KAT7: variants seen among roughly 807,000 people sequenced by gnomAD.
KAT7 encodes the protein histone acetyltransferase KAT7.
In KAT7, 10 loss-of-function variants were observed where a neutral mutation model predicts 82.1. The ratio of observed to expected loss-of-function variants is 0.12; its 90% CI spans 0.08 to 0.21. The LOEUF (loss-of-function observed/expected upper bound fraction) is 0.21, where lower values mean the gene tolerates loss of function less well. Among genes scored for constraint, KAT7 ranks in the 10% least tolerant of loss-of-function variants. The pLI, the probability that KAT7 is intolerant of heterozygous loss-of-function variation, is 1.00. For synonymous variants in KAT7, 250 were observed against 262.5 expected (o/e 0.95, Z 0.46); for missense variants, 378 against 760.9 (o/e 0.50, Z 5.92).
chr17:49,803,656 C>T (rs552564360), intron 4 of KAT7, among the ~76,000 whole-genome samples: 1 of 150,264 alleles, frequency 6.7e-6, no homozygotes, highest in African/African-American at 2.4e-5. Flanking sequence ...GATCTCCTGA[C>T]CTCGTGATCC....
In KAT7 at chr17:49,805,154, G is replaced by A. The variant is rs180830509; in HGVS notation, c.581-209G>A. ...TATAGTTTATATTGATCATACATAA[G>A]CATGTTCAAAGACTGCCAGATCCAT... On this transcript the variant is annotated intron_variant, in intron 4 of 14. Coordinates refer to ENST00000259021, the MANE Select transcript of KAT7 (RefSeq NM_007067.5). Among the ~76,000 whole-genome samples, 1,024 of 152,264 alleles carry A rather than the reference G, an allele frequency of 6.7e-3. 9 individuals are homozygous for A. The highest frequency in any genetic ancestry group is 0.01 in the Non-Finnish European group (690 of 68,006).
intron 9 of KAT7, among the ~76,000 whole-genome samples, 159 bp downstream of exon 9, chr17:49,818,170 G>C (rs1409598805): frequency 6.6e-6 from 1 of 152,180 alleles, no homozygotes; most frequent in Admixed American, 6.5e-5. Context: ...TTAAGGCGGG[G>C]TATAGAGCCT....
intron 14 of KAT7, 191 bp from the exon 15 acceptor site, chr17:49,827,210 C>T (rs1373208019): frequency 1.8e-6 from 1 of 551,100 alleles, no homozygotes; most frequent in Non-Finnish European, 3.2e-6. Flanking sequence ...TCATTTCTCA[C>T]TGAGGGTAAA....
At position 49,828,165 on chromosome 17, in the gene KAT7, A is replaced by G; in HGVS notation, c.*663A>G. On this transcript the variant is annotated 3_prime_UTR_variant, in exon 15 of 15. Coordinates refer to ENST00000259021, the MANE Select transcript of KAT7 (RefSeq NM_007067.5). ...CTGAATGAGATGGAGAGAAGAATGAAGGGGTGGTGGTTCTGGGTTTGATTT... is the reference window on the plus strand; with the variant it reads ...CTGAATGAGATGGAGAGAAGAATGAGGGGGTGGTGGTTCTGGGTTTGATTT... The G allele has an allele frequency of 6.6e-6, 1 of 152,356 alleles. No individual in the cohort carries two copies. Among genetic ancestry groups the G allele is most frequent in the Non-Finnish European group, 1.5e-5 (1 of 68,080 alleles). 9.4% of individuals were successfully genotyped at this position (152,356 alleles called of 1,614,324 possible). A position where few individuals can be genotyped will look rare whatever the true frequency, so the allele number is the denominator to read the frequency against.
intron 9 of KAT7, among the ~76,000 whole-genome samples, chr17:49,819,164 T>TTCTGTCATTATAC (rs1158408677): frequency 2.0e-4 from 30 of 152,340 alleles, no homozygotes; most frequent in African/African-American, 6.5e-4. Flanking sequence ...TTCCTGTGAT[T>TTCTGTCATTATAC]TCTGTCATTA....
intron 2 of KAT7, among the ~76,000 whole-genome samples, chr17:49,794,745 A>G (rs2073933686): frequency 6.6e-6 from 1 of 152,256 alleles, no homozygotes; most frequent in African/African-American, 2.4e-5. Flanking sequence ...CTAAATATTC[A>G]AAACAGCTAG....
Position 49,832,339 on chromosome 17 carries a change from T to G in KAT7, c.*4837T>G, listed in dbSNP as rs1041842535. 5 of 152,262 alleles carry G rather than the reference T, an allele frequency of 3.3e-5. No homozygotes were observed. Among genetic ancestry groups the G allele is most frequent in the Non-Finnish European group, 7.3e-5 (5 of 68,088 alleles). 9.4% of individuals were successfully genotyped at this position (152,262 alleles called of 1,614,324 possible). Reference sequence around the variant, plus strand: ...TCCTCAACTTTGATTTGTACTGATTTGTCCCTATAGTTCTGGGTGGGGTGG... The same window carrying G: ...TCCTCAACTTTGATTTGTACTGATTGGTCCCTATAGTTCTGGGTGGGGTGG... On this transcript the variant is annotated 3_prime_UTR_variant, in exon 15 of 15. Coordinates refer to ENST00000259021, the MANE Select transcript of KAT7 (RefSeq NM_007067.5).
In KAT7 at chr17:49,816,052, C is replaced by T. The variant is rs567635395; in HGVS notation, c.963+139C>T. 428 of 598,208 alleles carry T rather than the reference C, an allele frequency of 7.2e-4. 3 individuals are homozygous for T. Among genetic ancestry groups the T allele is most frequent in the South Asian group, 4.9e-3 (233 of 47,430 alleles). 37.1% of individuals were successfully genotyped at this position (598,208 alleles called of 1,614,324 possible). ...CTCTTTCCCTGTCTCCCAGCTGTCC[C>T]TTTTTGGAGACTAGCCTTCCCTTTC... is the stretch of plus-strand genomic sequence containing the variant. On this transcript the variant is annotated intron_variant, in intron 8 of 14. Transcript: ENST00000259021.
intron 2 of KAT7, among the ~76,000 whole-genome samples, chr17:49,794,808 A>G (rs903108020): frequency 6.6e-6 from 1 of 152,222 alleles, no homozygotes; most frequent in African/African-American, 2.4e-5. Flanking sequence ...ATGACCACAG[A>G]GTTGCACAAC....
At chr17:49,809,862 C>T (rs561131209) in intron 6 of KAT7, among the ~76,000 whole-genome samples, 4 of 152,294 alleles carry the variant, frequency 2.6e-5, no homozygotes, top group East Asian at 3.9e-4. Context: ...TCTCTCCCAC[C>T]GTTAAGGAAT....
chr17:49,788,914 T>C, intron 1 of KAT7, 65 bp downstream of exon 1: 1 of 1,451,468 alleles, frequency 6.9e-7, no homozygotes, highest in Non-Finnish European at 9.3e-7. Flanking sequence ...CGTGACGCAG[T>C]TGGCCACGCC....
chr17:49,797,753 A>G (rs910165797), intron 3 of KAT7, among the ~76,000 whole-genome samples: 4 of 152,260 alleles, frequency 2.6e-5, no homozygotes, highest in Non-Finnish European at 5.9e-5. Context: ...CATAGTAATA[A>G]TTGGCTGGAG....
At chr17:49,793,533 T>A (rs1039412282) in intron 2 of KAT7, among the ~76,000 whole-genome samples, 11 of 151,252 alleles carry the variant, frequency 7.3e-5, no homozygotes, top group Non-Finnish European at 1.6e-4. Flanking sequence ...GAAAAAAACT[T>A]TAACATGTTT....
intron 7 of KAT7, among the ~76,000 whole-genome samples, chr17:49,814,119 T>C (rs1402300981): frequency 6.6e-6 from 1 of 152,214 alleles, no homozygotes; most frequent in Non-Finnish European, 1.5e-5. Context: ...CTCAAACTCC[T>C]GACCTCAAGT....
chr17:49,823,383 C>T (rs1242890796), intron 12 of KAT7, 88 bp downstream of exon 12: 14 of 763,244 alleles, frequency 1.8e-5, no homozygotes, highest in Non-Finnish European at 3.0e-5. Context: ...TCTGCAATTC[C>T]TGGAATATAG....
rs1193013271 is a variant in KAT7 at position 49,827,625 on chromosome 17, C to T, written c.*123C>T. On this transcript the variant is annotated 3_prime_UTR_variant, in exon 15 of 15. Transcript: ENST00000259021. ...ACAGTATCCTTTGGGAAGGCCATCC[C>T]CCTCAGGACTGTCCTGGCTCCGACC... 6.9e-5 allele frequency: 46 copies of T among 670,572 alleles called. No individual in the cohort carries two copies. The highest frequency in any genetic ancestry group is 1.2e-4 in the Non-Finnish European group (44 of 370,826). The allele number at this position is 670,572 out of a possible 1,614,324, so 41.5% of individuals were successfully genotyped here. A position where few individuals can be genotyped will look rare whatever the true frequency, so the allele number is the denominator to read the frequency against.
intron 9 of KAT7, among the ~76,000 whole-genome samples, chr17:49,819,350 G>A (rs755152924): frequency 2.2e-4 from 33 of 152,280 alleles, no homozygotes; most frequent in Non-Finnish European, 4.4e-4. Context: ...GCGGCGATTG[G>A]TAGAAATATC....
Position 49,822,715 on chromosome 17 carries a change from A to G in KAT7, c.1387-487A>G, listed in dbSNP as rs553386706. On this transcript the variant is annotated intron_variant, in intron 11 of 14. Coordinates refer to ENST00000259021, the MANE Select transcript of KAT7 (RefSeq NM_007067.5). ...TAGCAATCACTCCTATTTCTACTCA[A>G]TCCCTCTCAGTTCTTCTTTCTCTAT... Among the ~76,000 whole-genome samples, 30 of 152,240 alleles carry G rather than the reference A, an allele frequency of 2.0e-4. No individual in the cohort carries two copies. In the East Asian group the frequency reaches 4.8e-3, roughly 24 times the overall value.
chr17:49,803,657 C>G (rs1231955244), intron 4 of KAT7, among the ~76,000 whole-genome samples: 1 of 151,956 alleles, frequency 6.6e-6, no homozygotes. Flanking sequence ...ATCTCCTGAC[C>G]TCGTGATCCG....
Sources: gnomAD v4.1 joint callset for allele counts (sites outside exome capture counted in the v4.1 genomes callset) on GRCh38, gnomAD v4.1.1 for gene constraint, MANE v1.5 for transcripts, NCBI Gene and HGNC (gene_info 2026-07-23, HGNC 2026-07-21) for gene names.